TBC1D4: variants seen among roughly 807,000 people sequenced by gnomAD.
TBC1D4 encodes TBC1 domain family member 4.
TBC1D4 carries 121 observed loss-of-function variants against 142.5 expected under a neutral mutation model. The observed-to-expected ratio is 0.85, with a 90% CI of 0.73 to 0.99. TBC1D4 has a LOEUF of 0.99. Ranked by LOEUF, TBC1D4 falls within the 50% of genes least tolerant of loss-of-function variation. TBC1D4 has a pLI of 0.00. For synonymous variants in TBC1D4, 630 were observed against 628.2 expected (o/e 1.00, Z -0.04); for missense variants, 1,475 against 1,606.6 (o/e 0.92, Z 1.40).
At chr13:75,438,346 T>G (rs566085885) in intron 1 of TBC1D4, among the ~76,000 whole-genome samples, 1 of 152,348 alleles carries the variant, frequency 6.6e-6, no homozygotes, top group African/African-American at 2.4e-5. Flanking sequence ...TTTCATTAAC[T>G]ATGCCTTTCA....
chr13:75,337,177 TCCCA>T (rs1011065570), intron 7 of TBC1D4, 137 bp from the exon 8 acceptor site: 49 of 752,256 alleles, frequency 6.5e-5, no homozygotes, highest in Admixed American at 6.0e-4. Flanking sequence ...ATAATTTAGG[TCCCA>T]CACTGTGAAC....
intron 20 of TBC1D4, among the ~76,000 whole-genome samples, chr13:75,287,500 A>G (rs1204103264): frequency 6.6e-6 from 1 of 152,224 alleles, no homozygotes; most frequent in African/African-American, 2.4e-5. Context: ...TCAGTGAAAA[A>G]GTCTACAACA....
At chr13:75,366,646 C>G (rs1882926895) in intron 1 of TBC1D4, among the ~76,000 whole-genome samples, 1 of 150,386 alleles carries the variant, frequency 6.6e-6, no homozygotes, top group Non-Finnish European at 1.5e-5. Flanking sequence ...AATCAAGTAC[C>G]AAGACTCAGA....
At chr13:75,410,780 C>CAA (rs1450587475) in intron 1 of TBC1D4, among the ~76,000 whole-genome samples, 1 of 150,218 alleles carries the variant, frequency 6.7e-6, no homozygotes, top group African/African-American at 2.4e-5. Context: ...ACTAAAAATA[C>CAA]AAAAAATTAG....
chr13:75,420,964 C>A (rs1886141514), intron 1 of TBC1D4, among the ~76,000 whole-genome samples: 1 of 152,172 alleles, frequency 6.6e-6, no homozygotes, highest in Non-Finnish European at 1.5e-5. Context: ...GGCAGATTTA[C>A]CCCCTGGTTC....
chr13:75,293,415 T>A (rs1299678461), intron 18 of TBC1D4, among the ~76,000 whole-genome samples: 1 of 151,696 alleles, frequency 6.6e-6, no homozygotes, highest in East Asian at 1.9e-4. Flanking sequence ...TGTATTCTCA[T>A]GACAAAAAAC....
At chr13:75,406,548 A>G (rs1448083198) in intron 1 of TBC1D4, among the ~76,000 whole-genome samples, 1 of 152,186 alleles carries the variant, frequency 6.6e-6, no homozygotes, top group Non-Finnish European at 1.5e-5. Context: ...TCTGACGCTA[A>G]GTGTTGGTGA....
chr13:75,405,563 C>A (rs1442378539), intron 1 of TBC1D4, among the ~76,000 whole-genome samples: 2 of 152,136 alleles, frequency 1.3e-5, no homozygotes, highest in South Asian at 4.1e-4. Context: ...TGAGCCACTG[C>A]GCCTGGTCAT....
intron 5 of TBC1D4, among the ~76,000 whole-genome samples, chr13:75,344,756 T>C (rs1013717985): frequency 3.9e-5 from 6 of 152,166 alleles, no homozygotes; most frequent in Non-Finnish European, 5.9e-5. Context: ...CACATACTTA[T>C]CTACTTTATT....
intron 18 of TBC1D4, among the ~76,000 whole-genome samples, chr13:75,293,671 G>A (rs952540576): frequency 3.3e-5 from 5 of 152,124 alleles, no homozygotes; most frequent in African/African-American, 2.4e-5. Context: ...TTGATTCAGC[G>A]CATTTTCACT....
At chr13:75,367,121 G>T in intron 1 of TBC1D4, 1 of 245,872 alleles carries the variant, frequency 4.1e-6, no homozygotes, top group Non-Finnish European at 6.5e-6. Context: ...CAAAAGTTAA[G>T]TATTTCCTGA....
At chr13:75,474,190 G>T (rs981408877) in intron 1 of TBC1D4, among the ~76,000 whole-genome samples, 3 of 152,138 alleles carry the variant, frequency 2.0e-5, no homozygotes, top group African/African-American at 7.2e-5. Flanking sequence ...ATATGAGTAG[G>T]AAAAAGTGAT....
At position 75,481,424 on chromosome 13, in the gene TBC1D4, G is replaced by A. The variant is rs1283028118; in HGVS notation, c.344C>T (p.Ala115Val). 6.2e-7 allele frequency: 1 copy of A among 1,613,716 alleles called. No homozygotes were observed. The highest frequency in any genetic ancestry group is 8.5e-7 in the Non-Finnish European group (1 of 1,179,798). ...TSPSATQPNP[A>V]VFIFEHKAQH... is the part of the protein sequence containing the mutation. ...CGCCTTGTGCTCGAAGATGAATACCGCCGGGTTGGGCTGCGTGGCCGACGG... is the reference window on the plus strand; with the variant it reads ...CGCCTTGTGCTCGAAGATGAATACCACCGGGTTGGGCTGCGTGGCCGACGG... The change falls in exon 1 of 21, where the codon GCG (alanine) becomes GTG (valine). Residue 115 changes from alanine (A) to valine (V), a missense_variant. Ala to Val is a moderately conservative substitution (Grantham distance 64). Around this residue, in one of 2 missense-constraint regions of TBC1D4, gnomAD observed 1,227 missense variants for 1,267.7 expected, o/e 0.97. Transcript: ENST00000377636.
chr13:75,472,689 T>C (rs1420457744), intron 1 of TBC1D4, among the ~76,000 whole-genome samples: 1 of 152,078 alleles, frequency 6.6e-6, no homozygotes, highest in African/African-American at 2.4e-5. Context: ...ATCAGGCAAG[T>C]AGTGCACAAT....
At chr13:75,392,541 G>A (rs1240828210) in intron 1 of TBC1D4, among the ~76,000 whole-genome samples, 1 of 152,028 alleles carries the variant, frequency 6.6e-6, no homozygotes, top group Admixed American at 6.6e-5. Context: ...ATACACTGAA[G>A]ACATTTTCCT....
chr13:75,397,542 G>A (rs1219277235), intron 1 of TBC1D4, among the ~76,000 whole-genome samples: 1 of 152,188 alleles, frequency 6.6e-6, no homozygotes, highest in Non-Finnish European at 1.5e-5. Flanking sequence ...ACGGCAAGGA[G>A]AGAAAAGATA....
intron 12 of TBC1D4, among the ~76,000 whole-genome samples, chr13:75,319,127 C>T (rs1040928929): frequency 1.3e-5 from 2 of 152,168 alleles, no homozygotes; most frequent in Non-Finnish European, 2.9e-5. Flanking sequence ...CTAACCATGA[C>T]TGAGACTTGC....
At chr13:75,454,025 AT>A (rs71127543) in intron 1 of TBC1D4, among the ~76,000 whole-genome samples, 30,516 of 146,314 alleles carry the variant, frequency 0.21, 5,012 homozygotes, top group African/African-American at 0.48. Context: ...ATAAATCTCT[AT>A]TTTTTTTTTT....
chr13:75,327,406 A>G (rs1879354377), intron 9 of TBC1D4, among the ~76,000 whole-genome samples: 1 of 152,078 alleles, frequency 6.6e-6, no homozygotes. Flanking sequence ...ATGAGGGGGG[A>G]AAATAACACG....
Sources: allele counts gnomAD v4.1 joint callset (sites outside exome capture counted in the v4.1 genomes callset), GRCh38; gene constraint gnomAD v4.1.1; regional missense constraint gnomAD v4.1.1; transcripts MANE v1.5; gene names NCBI Gene and HGNC (gene_info 2026-07-23, HGNC 2026-07-21).